The following ZNF804B variants were observed in gnomAD, a reference collection of about 807,000 sequenced individuals.
The protein encoded by ZNF804B is zinc finger protein 804B.
A neutral mutation model predicts 101.4 loss-of-function variants in ZNF804B; 80 were observed. The observed-to-expected ratio is 0.79, with a 90% CI of 0.66 to 0.95. The LOEUF (loss-of-function observed/expected upper bound fraction) is 0.95. Among genes scored for constraint, ZNF804B ranks in the 40% least tolerant of loss-of-function variants. The probability of loss-of-function intolerance (pLI) is 0.00; values close to 1 mark genes in which losing one functional copy is unlikely to be tolerated. For missense variants in ZNF804B, 1,673 were observed against 1,561.9 expected (o/e 1.07, Z -1.20); for synonymous variants, 622 against 558.8 (o/e 1.11, Z -1.59).
At chr7:88,990,106 T>G (rs1032800453) in intron 1 of ZNF804B, among the ~76,000 whole-genome samples, 2 of 152,000 alleles carry the variant, frequency 1.3e-5, no homozygotes, top group East Asian at 1.9e-4. Flanking sequence ...TTTAAAAATA[T>G]TAGGATGATA....
intron 1 of ZNF804B, among the ~76,000 whole-genome samples, chr7:89,062,462 G>A (rs1300647266): frequency 2.0e-5 from 3 of 151,978 alleles, no homozygotes; most frequent in Non-Finnish European, 2.9e-5. Context: ...TTTCTTGGCA[G>A]TCTCTCCAAA....
In ZNF804B at chr7:89,220,045, G is replaced by GTATATA. The variant is rs1426877736; in HGVS notation, c.249+1750_249+1751insTATATA. The stretch of plus-strand genomic sequence containing the variant: ...TACATATATATACGCACATATATGT[G>GTATATA]CATATATACATATATACGCACATAT... On this transcript the variant is annotated intron_variant, in intron 2 of 3. Transcript: ENST00000333190. Among the ~76,000 whole-genome samples, 35 of 95,192 alleles carry GTATATA rather than the reference G, an allele frequency of 3.7e-4. 1 individual carries two copies. Among genetic ancestry groups the GTATATA allele is most frequent in the Middle Eastern group, 7.6e-3 (1 of 132 alleles). 62.4% of individuals were successfully genotyped at this position (95,192 alleles called of 152,430 possible).
chr7:89,076,411 A>C (rs569912752), intron 1 of ZNF804B, among the ~76,000 whole-genome samples: 1 of 152,154 alleles, frequency 6.6e-6, no homozygotes, highest in East Asian at 1.9e-4. Flanking sequence ...AACTCCATCC[A>C]TGTAAGACGT....
intron 1 of ZNF804B, among the ~76,000 whole-genome samples, chr7:89,200,052 A>G (rs113946927): frequency 4.0e-5 from 6 of 151,350 alleles, no homozygotes; most frequent in African/African-American, 1.4e-4. Context: ...TGTGCTTTTC[A>G]TGTTTGAACT....
intron 2 of ZNF804B, among the ~76,000 whole-genome samples, chr7:89,252,285 G>T (rs894376097): frequency 2.6e-5 from 4 of 152,026 alleles, no homozygotes; most frequent in Non-Finnish European, 2.9e-5. Flanking sequence ...TTTATAAGCA[G>T]CCAGCAAACA....
intron 1 of ZNF804B, among the ~76,000 whole-genome samples, chr7:88,886,698 CAAG>C (rs1451027718): frequency 6.6e-6 from 1 of 151,076 alleles, no homozygotes; most frequent in East Asian, 1.9e-4. Flanking sequence ...TTCACAATGA[CAAG>C]AAGATATTCT....
At chr7:89,081,465 T>C (rs1789696855) in intron 1 of ZNF804B, among the ~76,000 whole-genome samples, 1 of 151,884 alleles carries the variant, frequency 6.6e-6, no homozygotes, top group Non-Finnish European at 1.5e-5. Context: ...CAATCCATTC[T>C]AGGTCTATAA....
At chr7:89,112,447 C>A (rs1361852315) in intron 1 of ZNF804B, among the ~76,000 whole-genome samples, 1 of 152,062 alleles carries the variant, frequency 6.6e-6, no homozygotes, top group East Asian at 1.9e-4. Context: ...GAGTCTATTT[C>A]TGGGCTCTCT....
intron 1 of ZNF804B, among the ~76,000 whole-genome samples, chr7:89,107,465 C>T (rs1790151642): frequency 6.6e-6 from 1 of 152,094 alleles, no homozygotes; most frequent in Non-Finnish European, 1.5e-5. Context: ...CCTTTCTTAG[C>T]AAATCTATGG....
chr7:88,868,797 GC>G (rs1234592463), intron 1 of ZNF804B, among the ~76,000 whole-genome samples: 1 of 152,202 alleles, frequency 6.6e-6, no homozygotes, highest in Non-Finnish European at 1.5e-5. Flanking sequence ...GTTTCAGCCA[GC>G]AAAGTAGCTT....
chr7:89,039,959 T>C (rs1788990766), intron 1 of ZNF804B, among the ~76,000 whole-genome samples: 1 of 152,108 alleles, frequency 6.6e-6, no homozygotes, highest in South Asian at 2.1e-4. Flanking sequence ...TTGATGATGA[T>C]CTGTTTATGT....
chr7:88,915,630 T>A (rs554820709), intron 1 of ZNF804B, among the ~76,000 whole-genome samples: 1 of 151,914 alleles, frequency 6.6e-6, no homozygotes. Flanking sequence ...GTACTCTAAG[T>A]GTAGGTTAAT....
chr7:88,882,369 C>T (rs1792056206), intron 1 of ZNF804B, among the ~76,000 whole-genome samples: 1 of 151,974 alleles, frequency 6.6e-6, no homozygotes, highest in South Asian at 2.1e-4. Context: ...AAAGTAAAAA[C>T]TTACAGTTAT....
chr7:88,898,353 T>C (rs557817439), intron 1 of ZNF804B, among the ~76,000 whole-genome samples: 3 of 152,226 alleles, frequency 2.0e-5, no homozygotes, highest in Admixed American at 2.0e-4. Context: ...CCCAACGTGC[T>C]GGGATTACAG....
chr7:89,297,520 G>A (rs1053571077), intron 2 of ZNF804B, among the ~76,000 whole-genome samples: 4 of 151,956 alleles, frequency 2.6e-5, no homozygotes, highest in Non-Finnish European at 4.4e-5. Flanking sequence ...TAGGTAAATC[G>A]TAATATATTT....
chr7:88,959,785 A>G (rs1793363751), intron 1 of ZNF804B, among the ~76,000 whole-genome samples: 2 of 151,456 alleles, frequency 1.3e-5, no homozygotes, highest in Admixed American at 1.3e-4. Context: ...AGCACTGTAC[A>G]CTGTGGGCAG....
chr7:89,148,287 AATT>A (rs1483756227), intron 1 of ZNF804B, among the ~76,000 whole-genome samples: 1 of 152,048 alleles, frequency 6.6e-6, no homozygotes, highest in Non-Finnish European at 1.5e-5. Flanking sequence ...ACTCTTCCAA[AATT>A]ATTAGCTATT....
At chr7:89,028,957 C>T (rs1247331673) in intron 1 of ZNF804B, among the ~76,000 whole-genome samples, 3 of 152,128 alleles carry the variant, frequency 2.0e-5, no homozygotes, top group African/African-American at 7.2e-5. Flanking sequence ...AGGAATTGAT[C>T]TCCTACTAGC....
At chr7:89,176,221 G>T (rs1006348756) in intron 1 of ZNF804B, among the ~76,000 whole-genome samples, 5 of 151,820 alleles carry the variant, frequency 3.3e-5, no homozygotes, top group African/African-American at 1.2e-4. Flanking sequence ...GTCTGTATAT[G>T]GGTCTGTCAT....
Sources: allele counts gnomAD v4.1 joint callset (sites outside exome capture counted in the v4.1 genomes callset), GRCh38; gene constraint gnomAD v4.1.1; transcripts MANE v1.5; gene names NCBI Gene and HGNC (gene_info 2026-07-23, HGNC 2026-07-21).